FAM53B: variants seen among roughly 807,000 people sequenced by gnomAD.
FAM53B encodes protein FAM53B.
FAM53B carries 12 observed loss-of-function variants against 32.7 expected under a neutral mutation model. The observed-to-expected ratio is 0.37, with a 90% CI of 0.24 to 0.59. The LOEUF (loss-of-function observed/expected upper bound fraction) is 0.59. Among genes scored for constraint, FAM53B ranks in the 20% least tolerant of loss-of-function variants. The probability of loss-of-function intolerance (pLI) is 0.72; values close to 1 mark genes in which losing one functional copy is unlikely to be tolerated. For missense variants in FAM53B, 477 were observed against 577.7 expected, an observed-to-expected ratio of 0.83 and a Z score of 1.79; for synonymous variants, 234 against 228.7, an observed-to-expected ratio of 1.02 and a Z score of -0.21.
intron 3 of FAM53B, among the ~76,000 whole-genome samples, chr10:124,695,807 T>A (rs1286622620): frequency 6.6e-6 from 1 of 152,210 alleles, no homozygotes; most frequent in Non-Finnish European, 1.5e-5. Context: ...GCTAAGAACA[T>A]AAACATACAC....
intron 1 of FAM53B, among the ~76,000 whole-genome samples, chr10:124,718,370 C>T (rs1021164532): frequency 2.0e-5 from 3 of 152,308 alleles, no homozygotes; most frequent in South Asian, 4.1e-4. Context: ...ATCAGACAGG[C>T]TCATCAATCA....
At chr10:124,627,247 C>A (rs1394944514) in intron 4 of FAM53B, among the ~76,000 whole-genome samples, 1 of 152,170 alleles carries the variant, frequency 6.6e-6, no homozygotes, top group Non-Finnish European at 1.5e-5. Flanking sequence ...ATGCAGACAC[C>A]CAGGGTGTGC....
At chr10:124,648,357 C>A (rs1949533488) in intron 4 of FAM53B, among the ~76,000 whole-genome samples, 2 of 152,238 alleles carry the variant, frequency 1.3e-5, no homozygotes, top group Admixed American at 1.3e-4. Context: ...GCCCACGAGC[C>A]TGCAGTCTCC....
chr10:124,742,888 G>A (rs370366231), intron 1 of FAM53B: 3 of 152,238 alleles, frequency 2.0e-5, no homozygotes, highest in East Asian at 3.9e-4. Context: ...AAGACTCGGA[G>A]TGTGGCCTAT....
intron 1 of FAM53B, among the ~76,000 whole-genome samples, chr10:124,709,927 C>A (rs1949989246): frequency 6.6e-6 from 1 of 152,126 alleles, no homozygotes; most frequent in African/African-American, 2.4e-5. Flanking sequence ...CGGAGAGGAA[C>A]CACGTCCAAC....
At chr10:124,625,481 C>T (rs955007509) in intron 4 of FAM53B, among the ~76,000 whole-genome samples, 2 of 152,168 alleles carry the variant, frequency 1.3e-5, no homozygotes, top group Admixed American at 6.5e-5. Context: ...ACAATCCCCT[C>T]ACCACGGCAG....
chr10:124,725,682 G>A (rs1290335422), intron 1 of FAM53B, among the ~76,000 whole-genome samples: 1 of 152,312 alleles, frequency 6.6e-6, no homozygotes, highest in East Asian at 1.9e-4. Flanking sequence ...GGTGGAGGGT[G>A]GAAACCGAGA....
At chr10:124,699,988 G>C (rs1387088183) in intron 2 of FAM53B, among the ~76,000 whole-genome samples, 6 of 152,186 alleles carry the variant, frequency 3.9e-5, no homozygotes, top group African/African-American at 1.4e-4. Context: ...GATGGCCTCT[G>C]GTGCTGACAA....
In FAM53B at chr10:124,681,659, G is replaced by C. The variant is rs769615824; in HGVS notation, c.854C>G (p.Pro285Arg). The change falls in exon 4 of 5, where the codon CCT becomes CGT. Residue 285 changes from proline to arginine, a missense_variant. Physicochemically the swap from Pro to Arg is moderately radical, Grantham distance 103. This residue lies in a region of FAM53B where 312 missense variants were observed against 420.2 expected (regional missense o/e 0.74). Coordinates refer to ENST00000337318, the MANE Select transcript of FAM53B (RefSeq NM_014661.4). ...AGGCCTCTGCTCTTGCACTTCTTCAGGGCGCCGCCTTTTAACACCGACCTT... is the reference window on the plus strand; with the variant it reads ...AGGCCTCTGCTCTTGCACTTCTTCACGGCGCCGCCTTTTAACACCGACCTT... The part of the protein sequence containing the change: ...DKKVGVKRRR[P>R]EEVQEQRPSL... 6.2e-7 allele frequency: 1 copy of C among 1,612,320 alleles called. No homozygotes were observed. Among genetic ancestry groups the C allele is most frequent in the Non-Finnish European group, 8.5e-7 (1 of 1,179,234 alleles).
chr10:124,673,435 C>T (rs1048981955), intron 4 of FAM53B, among the ~76,000 whole-genome samples: 1 of 152,212 alleles, frequency 6.6e-6, no homozygotes, highest in African/African-American at 2.4e-5. Flanking sequence ...ACCCTATATA[C>T]TAGAACAGGC....
chr10:124,626,268 G>A (rs1285872919), intron 4 of FAM53B, among the ~76,000 whole-genome samples: 1 of 152,206 alleles, frequency 6.6e-6, no homozygotes, highest in Non-Finnish European at 1.5e-5. Flanking sequence ...TCTCGGTCCT[G>A]CTCGGAGCTT....
chr10:124,635,791 C>T (rs1019291861), intron 4 of FAM53B, among the ~76,000 whole-genome samples: 6 of 151,952 alleles, frequency 3.9e-5, no homozygotes, highest in Admixed American at 1.3e-4. Flanking sequence ...CAGGGGACCC[C>T]ACAAAGTGGG....
chr10:124,643,551 G>C (rs367946543), intron 4 of FAM53B, among the ~76,000 whole-genome samples: 23 of 152,266 alleles, frequency 1.5e-4, no homozygotes, highest in Non-Finnish European at 2.2e-4. Flanking sequence ...GGGCCAGCGG[G>C]GGGGTGCAGG....
At chr10:124,669,737 C>T (rs570038451) in intron 4 of FAM53B, among the ~76,000 whole-genome samples, 36 of 152,176 alleles carry the variant, frequency 2.4e-4, no homozygotes, top group Non-Finnish European at 4.3e-4. Context: ...TGGGGGCCCA[C>T]GGGCTGTCGG....
intron 3 of FAM53B, among the ~76,000 whole-genome samples, chr10:124,693,253 C>T (rs1380023793): frequency 6.6e-6 from 1 of 151,988 alleles, no homozygotes; most frequent in African/African-American, 2.4e-5. Flanking sequence ...AGGCGGATCA[C>T]GAGGTCAGGA....
At chr10:124,687,012 A>G (rs1949806896) in intron 3 of FAM53B, among the ~76,000 whole-genome samples, 1 of 152,268 alleles carries the variant, frequency 6.6e-6, no homozygotes, top group Non-Finnish European at 1.5e-5. Flanking sequence ...CCACTTGCTC[A>G]GTCTGCAGGC....
intron 4 of FAM53B, among the ~76,000 whole-genome samples, chr10:124,679,805 C>T (rs1300305468): frequency 6.6e-6 from 1 of 152,258 alleles, no homozygotes; most frequent in African/African-American, 2.4e-5. Flanking sequence ...GGCGCAGCCC[C>T]ACTGAGCAAT....
At chr10:124,624,557 C>A (rs550785810) in intron 4 of FAM53B, among the ~76,000 whole-genome samples, 1 of 152,196 alleles carries the variant, frequency 6.6e-6, no homozygotes, top group African/African-American at 2.4e-5. Context: ...GAAGCTTCTC[C>A]GCTCACCAAG....
chr10:124,712,847 G>A (rs1050929347), intron 1 of FAM53B, among the ~76,000 whole-genome samples: 1 of 152,202 alleles, frequency 6.6e-6, no homozygotes, highest in African/African-American at 2.4e-5. Flanking sequence ...AGAGCAAAAG[G>A]CAAGGTCAGA....
Sources: allele counts gnomAD v4.1 joint callset (sites outside exome capture counted in the v4.1 genomes callset), GRCh38; gene constraint gnomAD v4.1.1; regional missense constraint gnomAD v4.1.1; transcripts MANE v1.5; gene names NCBI Gene and HGNC (gene_info 2026-07-23, HGNC 2026-07-21).